NKAIN3: variants seen among roughly 807,000 people sequenced by gnomAD.
NKAIN3 encodes sodium/potassium-transporting ATPase subunit beta-1-interacting protein 3.
A neutral mutation model predicts 30.2 loss-of-function variants in NKAIN3; 25 were observed. The observed-to-expected ratio is 0.83, with a 90% CI of 0.60 to 1.16. NKAIN3 has a LOEUF of 1.16. Ranked by LOEUF, NKAIN3 falls within the 50% of genes most tolerant of loss-of-function variation. The pLI is 0.00. For missense variants in NKAIN3, 225 were observed against 254.1 expected (o/e 0.89, Z 0.78); for synonymous variants, 91 against 89.6 (o/e 1.02, Z -0.09).
intron 3 of NKAIN3, among the ~76,000 whole-genome samples, chr8:62,697,325 G>C (rs1321965560): frequency 6.6e-6 from 1 of 152,132 alleles, no homozygotes; most frequent in Non-Finnish European, 1.5e-5. Flanking sequence ...CGGTCCCTCT[G>C]CTGGGAGCAC....
chr8:62,323,597 G>C (rs896230499), intron 1 of NKAIN3, among the ~76,000 whole-genome samples: 3 of 152,046 alleles, frequency 2.0e-5, no homozygotes, highest in Non-Finnish European at 4.4e-5. Flanking sequence ...CATCTTTTGT[G>C]GTAGTTCTTA....
intron 1 of NKAIN3, among the ~76,000 whole-genome samples, chr8:62,514,790 G>A (rs774025277): frequency 1.3e-5 from 2 of 152,052 alleles, no homozygotes; most frequent in East Asian, 1.9e-4. Flanking sequence ...GGAGCTAGGC[G>A]GCCTGTTCCA....
intron 4 of NKAIN3, among the ~76,000 whole-genome samples, chr8:62,803,465 C>G (rs1235396707): frequency 2.6e-5 from 4 of 152,148 alleles, no homozygotes; most frequent in Non-Finnish European, 5.9e-5. Flanking sequence ...GAAACTCACT[C>G]AAAACCGCTC....
At chr8:62,411,364 A>T (rs1004155398) in intron 1 of NKAIN3, among the ~76,000 whole-genome samples, 4 of 152,228 alleles carry the variant, frequency 2.6e-5, no homozygotes, top group African/African-American at 9.6e-5. Context: ...TCATGATAAA[A>T]AGCCTCAACA....
chr8:62,305,273 A>T (rs1370794687), intron 1 of NKAIN3, among the ~76,000 whole-genome samples: 1 of 150,382 alleles, frequency 6.6e-6, no homozygotes, highest in Non-Finnish European at 1.5e-5. Flanking sequence ...TTTCTATGAA[A>T]TACGACTTTA....
chr8:62,497,619 G>A (rs1585873614), intron 1 of NKAIN3, among the ~76,000 whole-genome samples: 1 of 152,002 alleles, frequency 6.6e-6, no homozygotes, highest in African/African-American at 2.4e-5. Context: ...TTTATTCTAT[G>A]TCAGAGGAGG....
At chr8:62,343,003 T>C (rs1277020267) in intron 1 of NKAIN3, among the ~76,000 whole-genome samples, 1 of 152,064 alleles carries the variant, frequency 6.6e-6, no homozygotes, top group African/African-American at 2.4e-5. Flanking sequence ...AAAATACAAG[T>C]ATGGGATATT....
At chr8:62,733,039 A>G (rs1245947614) in intron 3 of NKAIN3, among the ~76,000 whole-genome samples, 1 of 152,056 alleles carries the variant, frequency 6.6e-6, no homozygotes, top group African/African-American at 2.4e-5. Flanking sequence ...ATTATATTTT[A>G]AATTTTTCAT....
chr8:62,995,436 T>C (rs1179341913), intron 5 of NKAIN3, among the ~76,000 whole-genome samples: 1 of 152,170 alleles, frequency 6.6e-6, no homozygotes, highest in Non-Finnish European at 1.5e-5. Context: ...AATGCTACAG[T>C]AGAAGCTGCT....
chr8:62,716,458 T>G (rs1223527623), intron 3 of NKAIN3, among the ~76,000 whole-genome samples: 1 of 152,188 alleles, frequency 6.6e-6, no homozygotes, highest in African/African-American at 2.4e-5. Flanking sequence ...TCATGACAGT[T>G]GTACATTAGA....
At chr8:62,286,681 C>A (rs777910658) in intron 1 of NKAIN3, among the ~76,000 whole-genome samples, 4 of 152,200 alleles carry the variant, frequency 2.6e-5, no homozygotes, top group Non-Finnish European at 4.4e-5. Flanking sequence ...AATAAAGAAT[C>A]TGTACTTTCA....
chr8:62,619,483 A>G (rs917844763), intron 3 of NKAIN3, among the ~76,000 whole-genome samples: 2 of 152,068 alleles, frequency 1.3e-5, no homozygotes, highest in African/African-American at 4.8e-5. Context: ...TCTACCTACA[A>G]CCTGGAAGCC....
At chr8:62,767,215 A>C (rs1816868321) in intron 4 of NKAIN3, among the ~76,000 whole-genome samples, 1 of 152,174 alleles carries the variant, frequency 6.6e-6, no homozygotes, top group African/African-American at 2.4e-5. Flanking sequence ...GAGACACAGG[A>C]ATTGTCAGTC....
intron 3 of NKAIN3, among the ~76,000 whole-genome samples, chr8:62,711,722 C>T (rs1210372911): frequency 6.6e-6 from 1 of 152,120 alleles, no homozygotes; most frequent in Non-Finnish European, 1.5e-5. Context: ...TAACTAACCT[C>T]CTGAATTCTT....
At chr8:62,585,649 A>G (rs191187907) in intron 2 of NKAIN3, among the ~76,000 whole-genome samples, 6 of 152,228 alleles carry the variant, frequency 3.9e-5, no homozygotes, top group South Asian at 2.1e-4. Context: ...TTGTGTTCCT[A>G]TGAGAATCTA....
At chr8:62,421,723 G>A (rs1418161534) in intron 1 of NKAIN3, among the ~76,000 whole-genome samples, 1 of 151,884 alleles carries the variant, frequency 6.6e-6, no homozygotes, top group Admixed American at 6.6e-5. Flanking sequence ...CCATTTAGAA[G>A]CAAATGTGTA....
intron 3 of NKAIN3, among the ~76,000 whole-genome samples, chr8:62,619,672 C>A (rs1811564295): frequency 2.0e-5 from 3 of 147,734 alleles, no homozygotes; most frequent in African/African-American, 7.7e-5. Flanking sequence ...TGATATTTAA[C>A]TCAGAATAAA....
intron 1 of NKAIN3, among the ~76,000 whole-genome samples, chr8:62,504,715 T>C (rs1399792092): frequency 1.3e-5 from 2 of 152,186 alleles, no homozygotes; most frequent in Non-Finnish European, 2.9e-5. Context: ...GTTATTCTTC[T>C]TAAAACCCTT....
intron 1 of NKAIN3, among the ~76,000 whole-genome samples, chr8:62,283,319 C>T (rs1813265287): frequency 6.6e-6 from 1 of 151,814 alleles, no homozygotes; most frequent in Non-Finnish European, 1.5e-5. Context: ...TGTGTCAATC[C>T]TGATGACAAA....
Sources: gnomAD v4.1 joint callset for allele counts (sites outside exome capture counted in the v4.1 genomes callset) on GRCh38, gnomAD v4.1.1 for gene constraint, MANE v1.5 for transcripts, NCBI Gene and HGNC (gene_info 2026-07-23, HGNC 2026-07-21) for gene names.